The following CD5 variants were observed in gnomAD, a reference collection of about 807,000 sequenced individuals.
CD5 encodes the protein T-cell surface glycoprotein CD5.
CD5 carries 36 observed loss-of-function variants against 60.3 expected under a neutral mutation model. The ratio of observed to expected loss-of-function variants is 0.60; its 90% CI spans 0.46 to 0.79. The LOEUF is 0.79. Ranked by LOEUF, CD5 falls within the 30% of genes least tolerant of loss-of-function variation. The pLI is 0.00. For synonymous variants in CD5, 230 were observed against 257.6 expected (o/e 0.89, Z 1.03); for missense variants, 540 against 630.6 (o/e 0.86, Z 1.54).
At chr11:61,122,736 A>T (rs1433916876) in intron 6 of CD5, among the ~76,000 whole-genome samples, 171 bp from the exon 7 acceptor site, 1 of 152,192 alleles carries the variant, frequency 6.6e-6, no homozygotes, top group Non-Finnish European at 1.5e-5. Context: ...GTAGCAGGGA[A>T]TCCTAGAGAT....
At position 61,118,985 on chromosome 11, in the gene CD5, G is replaced by A. The variant is rs1267596307; in HGVS notation, c.463+8G>A. 7 of 1,608,770 alleles carry A rather than the reference G, an allele frequency of 4.4e-6. No homozygotes were observed. The highest frequency in any genetic ancestry group is 5.9e-6 in the Non-Finnish European group (7 of 1,176,664). On this transcript the variant is annotated splice_region_variant and intron_variant, in intron 4 of 10. Coordinates refer to ENST00000347785, the MANE Select transcript of CD5 (RefSeq NM_014207.4). This position sits in a 1 kb window ranked among gnomAD's most constrained non-coding sequence, Gnocchi z 4.7. ...CAACTCCAGAGCCCACAGGTAAGAG[G>A]ATTCTGAACCCCCCACAGGGAGTCA...
chr11:61,119,515 C>T lies in CD5; in HGVS notation c.745C>T (p.His249Tyr), dbSNP rs1161381665. ...GAACTCAAGCTGTACCTCCCTGGAG[C>T]ATTGCTTCAGGAAAATCAAGCCCCA... is the stretch of plus-strand genomic sequence containing the variant. ...IQNSSCTSLE[H>Y]CFRKIKPQKS... The change falls in exon 5 of 11, where the codon CAT becomes TAT. Residue 249 changes from histidine to tyrosine, a missense_variant. Physicochemically the swap from His to Tyr is moderately conservative, Grantham distance 83. Transcript: ENST00000347785. 4.3e-6 allele frequency: 7 copies of T among 1,614,044 alleles called. No individual in the cohort carries two copies. The highest frequency in any genetic ancestry group is 1.1e-5 in the South Asian group (1 of 91,086).
upstream of CD5, among the ~76,000 whole-genome samples, chr11:61,100,051 C>G (rs1252543355): frequency 1.3e-4 from 19 of 146,530 alleles, no homozygotes; most frequent in East Asian, 2.1e-4. Flanking sequence ...GGAGATCACA[C>G]ACACACATCA....
At chr11:61,107,002 C>G (rs575999114) in intron 1 of CD5, among the ~76,000 whole-genome samples, 1 of 152,232 alleles carries the variant, frequency 6.6e-6, no homozygotes, top group Admixed American at 6.5e-5. Context: ...CCTGGTGGAT[C>G]TGGCATAATA....
At chr11:61,100,003 A>ATT (rs1860640437), upstream of CD5, among the ~76,000 whole-genome samples, 3 of 150,760 alleles carry the variant, frequency 2.0e-5, no homozygotes, top group East Asian at 2.0e-4. Flanking sequence ...TGGAGATCAC[A>ATT]CACACACATC....
At chr11:61,120,405 G>A (rs975942663) in intron 5 of CD5, among the ~76,000 whole-genome samples, 2 of 152,136 alleles carry the variant, frequency 1.3e-5, no homozygotes, top group Non-Finnish European at 2.9e-5. Context: ...GGCCTTAGGA[G>A]GTGGGTGTTA....
chr11:61,121,917 C>G lies in CD5; in HGVS notation c.1099+13C>G, dbSNP rs766796497. On this transcript the variant is annotated intron_variant, in intron 6 of 10. Transcript: ENST00000347785. ...GTGTTTGTCACATGTGAGTTGGCCA[C>G]AGCCCACAGTGGGTGGAAGCAGTTA... 1 of 1,521,338 alleles carries G rather than the reference C, an allele frequency of 6.6e-7. No individual in the cohort carries two copies. The highest frequency in any genetic ancestry group is 8.9e-7 in the Non-Finnish European group (1 of 1,125,184). 94.2% of individuals were successfully genotyped at this position (1,521,338 alleles called of 1,614,324 possible).
At chr11:61,115,613 C>T (rs1390508418) in intron 2 of CD5, among the ~76,000 whole-genome samples, 1 of 152,240 alleles carries the variant, frequency 6.6e-6, no homozygotes, top group African/African-American at 2.4e-5. Context: ...TGAAGACTGA[C>T]AGTGTACACC....
chr11:61,117,918 GC>G (rs1860988328), intron 2 of CD5, among the ~76,000 whole-genome samples: 1 of 152,202 alleles, frequency 6.6e-6, no homozygotes, highest in Non-Finnish European at 1.5e-5. Flanking sequence ...AGAACACCTT[GC>G]CCATTTATCT....
At chr11:61,119,689 A>G (rs1861027360) in intron 5 of CD5, 114 bp downstream of exon 5, 2 of 753,650 alleles carry the variant, frequency 2.7e-6, no homozygotes, top group African/African-American at 3.5e-5. Flanking sequence ...TGGAGAATAC[A>G]AGGGAAGTGG....
upstream of CD5, among the ~76,000 whole-genome samples, chr11:61,100,193 TCACA>T (rs1250573973): frequency 9.6e-6 from 1 of 103,646 alleles, no homozygotes; most frequent in African/African-American, 3.9e-5. Context: ...AACATGGAGA[TCACA>T]CACACATCAA....
At chr11:61,125,242 G>A (rs1849494241) in intron 9 of CD5, 91 bp downstream of exon 9, 2 of 1,447,314 alleles carry the variant, frequency 1.4e-6, no homozygotes, top group African/African-American at 1.4e-5. Flanking sequence ...GTCGGGTGAT[G>A]GCCCAAAGAC....
At chr11:61,101,650 A>T (rs1411946656), upstream of CD5, among the ~76,000 whole-genome samples, 1 of 150,866 alleles carries the variant, frequency 6.6e-6, no homozygotes, top group Non-Finnish European at 1.5e-5. Flanking sequence ...CACACACATC[A>T]ACATGGAGAT....
In CD5 at chr11:61,102,506, A is replaced by T. The variant is rs1860708324; in HGVS notation, c.-55A>T. The T allele has an allele frequency of 2.9e-6, 4 of 1,368,694 alleles. No individual in the cohort carries two copies. The Admixed American group carries it at 6.1e-5, about 21-fold the overall frequency. 84.8% of individuals were successfully genotyped at this position (1,368,694 alleles called of 1,614,324 possible). On this transcript the variant is annotated 5_prime_UTR_variant, in exon 1 of 11. Transcript: ENST00000347785. ...CTGAGAGCGAGATACCCGGCCAGACACCCTCACCTGCGGTGCCCAGCTGCC... is the reference window on the plus strand; with the variant it reads ...CTGAGAGCGAGATACCCGGCCAGACTCCCTCACCTGCGGTGCCCAGCTGCC...
At chr11:61,107,997 T>G (rs538596573) in intron 1 of CD5, among the ~76,000 whole-genome samples, 28 of 152,034 alleles carry the variant, frequency 1.8e-4, no homozygotes, top group African/African-American at 5.5e-4. Flanking sequence ...CCCTGTCAGG[T>G]GATGGAGACA....
intron 1 of CD5, among the ~76,000 whole-genome samples, chr11:61,114,762 T>C (rs1306036609): frequency 6.6e-6 from 1 of 152,196 alleles, no homozygotes; most frequent in Admixed American, 6.5e-5. Context: ...CACACACATC[T>C]ATATATGTGA....
intron 1 of CD5, among the ~76,000 whole-genome samples, chr11:61,113,635 C>A (rs1860891175): frequency 6.6e-6 from 1 of 152,124 alleles, no homozygotes. Context: ...AGCAAATGTT[C>A]TCTTGGTTCC....
At chr11:61,102,973 G>A (rs1295349091) in intron 1 of CD5, among the ~76,000 whole-genome samples, 1 of 152,178 alleles carries the variant, frequency 6.6e-6, no homozygotes, top group East Asian at 1.9e-4. Flanking sequence ...CTCCCTCTGC[G>A]AGGTCCCCCA....
At chr11:61,124,893 C>T in intron 8 of CD5, 139 bp from the exon 9 acceptor site, 11 of 849,956 alleles carry the variant, frequency 1.3e-5, no homozygotes, top group South Asian at 1.7e-5. Flanking sequence ...GAGGGGGATG[C>T]ATTGAAGGGG....
Sources: gnomAD v4.1 joint callset for allele counts (sites outside exome capture counted in the v4.1 genomes callset) on GRCh38, gnomAD v4.1.1 for gene constraint, Gnocchi (gnomAD v3.1) non-coding constraint, MANE v1.5 for transcripts, NCBI Gene and HGNC (gene_info 2026-07-23, HGNC 2026-07-21) for gene names.